AHCYL2: variants seen among roughly 807,000 people sequenced by gnomAD.
AHCYL2 encodes S-adenosylhomocysteine hydrolase-like protein 2.
In AHCYL2, 28 loss-of-function variants were observed where a neutral mutation model predicts 81.4. That is an observed-to-expected ratio of 0.34 (90% CI 0.25 to 0.47). The LOEUF is 0.47. Among genes scored for constraint, AHCYL2 ranks in the 20% least tolerant of loss-of-function variants. The pLI is 1.00. For missense variants in AHCYL2, 551 were observed against 785.1 expected, an observed-to-expected ratio of 0.70 and a Z score of 3.56; for synonymous variants, 272 against 290.2, an observed-to-expected ratio of 0.94 and a Z score of 0.64.
chr7:129,261,502 T>A (rs1457383991), intron 1 of AHCYL2, among the ~76,000 whole-genome samples: 1 of 152,224 alleles, frequency 6.6e-6, no homozygotes, highest in African/African-American at 2.4e-5. Flanking sequence ...GTATTGGACC[T>A]ACTTTATGTT....
At chr7:129,330,620 A>G (rs1278036294) in intron 1 of AHCYL2, among the ~76,000 whole-genome samples, 4 of 151,828 alleles carry the variant, frequency 2.6e-5, no homozygotes, top group South Asian at 2.1e-4. Flanking sequence ...ACAGGCGCCC[A>G]CCACCACGCC....
intron 1 of AHCYL2, among the ~76,000 whole-genome samples, chr7:129,334,302 T>A (rs1003221362): frequency 2.3e-4 from 35 of 152,238 alleles, no homozygotes; most frequent in African/African-American, 8.4e-4. Context: ...GCTACCTTCA[T>A]GCAGTCCTCT....
chr7:129,423,049 TTTG>T lies in AHCYL2; in HGVS notation c.1560+112_1560+114del, dbSNP rs1797189678. On this transcript the variant is annotated intron_variant, in intron 13 of 16. Coordinates refer to ENST00000325006, the MANE Select transcript of AHCYL2 (RefSeq NM_015328.4). ...TTTCAACTCCTCTGTTAAGCACAAG[TTTG>T]ACTACTTTCCCAATGGATTTTACTT... is the stretch of plus-strand genomic sequence containing the variant. The T allele has an allele frequency of 6.6e-6, 5 of 754,518 alleles. No homozygotes were observed. The East Asian group carries it at 1.4e-4, about 22-fold the overall frequency. The allele number at this position is 754,518 out of a possible 1,614,324, so 46.7% of individuals were successfully genotyped here.
chr7:129,229,924 C>G (rs139958077), intron 1 of AHCYL2, among the ~76,000 whole-genome samples: 16 of 152,206 alleles, frequency 1.1e-4, no homozygotes, highest in African/African-American at 3.6e-4. Context: ...ACCCTTTCTT[C>G]CTGTTCAGCT....
intron 1 of AHCYL2, among the ~76,000 whole-genome samples, chr7:129,266,976 C>T (rs556917181): frequency 3.5e-4 from 53 of 149,560 alleles, no homozygotes; most frequent in African/African-American, 1.1e-3. Context: ...GCCCACTAAA[C>T]GCAAAATATT....
chr7:129,420,895 A>C (rs903760817), intron 12 of AHCYL2, among the ~76,000 whole-genome samples: 1 of 152,172 alleles, frequency 6.6e-6, no homozygotes, highest in African/African-American at 2.4e-5. Context: ...AAACACTACA[A>C]ATATGCTTAA....
chr7:129,238,717 C>T (rs777683074), intron 1 of AHCYL2, among the ~76,000 whole-genome samples: 5 of 152,050 alleles, frequency 3.3e-5, no homozygotes, highest in Admixed American at 1.3e-4. Flanking sequence ...TTTGGGAGGC[C>T]GAAGCAGCAG....
In AHCYL2 at chr7:129,425,042, T is replaced by A. The variant is rs562432913; in HGVS notation, c.1630-21T>A. 1.4e-5 allele frequency: 22 copies of A among 1,613,660 alleles called. No individual in the cohort carries two copies. In the South Asian group the frequency reaches 2.4e-4, roughly 18 times the overall value. ...GATTGCCATGAATGGCACATCAGCA[T>A]CCATCTCTCTGCTTTTCTAGGCTCT... is the stretch of plus-strand genomic sequence containing the variant. On this transcript the variant is annotated intron_variant, in intron 14 of 16. Coordinates refer to ENST00000325006, the MANE Select transcript of AHCYL2 (RefSeq NM_015328.4).
At chr7:129,379,489 T>G in intron 1 of AHCYL2, 149 bp from the exon 2 acceptor site, 1 of 607,214 alleles carries the variant, frequency 1.6e-6, no homozygotes, top group South Asian at 2.1e-5. Flanking sequence ...AAAAGTATTC[T>G]TATCTTCAAA....
chr7:129,409,139 C>T (rs905990389), intron 10 of AHCYL2, among the ~76,000 whole-genome samples: 2 of 151,636 alleles, frequency 1.3e-5, no homozygotes, highest in African/African-American at 4.8e-5. Flanking sequence ...TGGGTTTGGC[C>T]TTCGGGGGAT....
chr7:129,369,550 GTT>G (rs35051098), intron 1 of AHCYL2, among the ~76,000 whole-genome samples: 215 of 132,484 alleles, frequency 1.6e-3, no homozygotes, highest in African/African-American at 5.8e-3. Context: ...TTGTGTTCAG[GTT>G]TTTTTTTTTT....
At chr7:129,413,780 A>G in intron 12 of AHCYL2, 92 bp downstream of exon 12, 1 of 1,012,578 alleles carries the variant, frequency 9.9e-7, no homozygotes, top group African/African-American at 1.6e-5. Flanking sequence ...AAGCCATCCT[A>G]AACATGACTA....
At chr7:129,410,037 A>G (rs990376874) in intron 11 of AHCYL2, 21 of 944,930 alleles carry the variant, frequency 2.2e-5, no homozygotes, top group Middle Eastern at 3.4e-4. Context: ...CAAGCACTCA[A>G]TTCTCTAAAT....
chr7:129,391,049 T>G (rs1212422655), intron 4 of AHCYL2, among the ~76,000 whole-genome samples: 1 of 152,220 alleles, frequency 6.6e-6, no homozygotes, highest in Non-Finnish European at 1.5e-5. Context: ...TAAAATAATG[T>G]GTATTTCAAT....
intron 1 of AHCYL2, among the ~76,000 whole-genome samples, chr7:129,231,164 C>T (rs917135762): frequency 2.0e-5 from 3 of 151,632 alleles, no homozygotes; most frequent in African/African-American, 4.9e-5. Context: ...TGCTTGAATG[C>T]GGGAAGTGGA....
chr7:129,242,605 T>C (rs1236287223), intron 1 of AHCYL2, among the ~76,000 whole-genome samples: 1 of 151,920 alleles, frequency 6.6e-6, no homozygotes, highest in Non-Finnish European at 1.5e-5. Context: ...TAATCCTAGC[T>C]ACTCCGGAGG....
intron 3 of AHCYL2, among the ~76,000 whole-genome samples, 185 bp downstream of exon 3, chr7:129,389,384 TA>T (rs11389356): frequency 0.085 from 10,589 of 124,856 alleles, 432 homozygotes; most frequent in African/African-American, 0.12. Context: ...AACCCTGTAT[TA>T]AAAAAAAAAA....
At chr7:129,352,252 G>A (rs545339758) in intron 1 of AHCYL2, among the ~76,000 whole-genome samples, 1 of 152,148 alleles carries the variant, frequency 6.6e-6, no homozygotes, top group African/African-American at 2.4e-5. Flanking sequence ...GAAAATGAAC[G>A]AAGTGAGCCT....
intron 1 of AHCYL2, among the ~76,000 whole-genome samples, chr7:129,350,587 A>G (rs1441067015): frequency 1.3e-5 from 2 of 151,776 alleles, no homozygotes; most frequent in East Asian, 1.9e-4. Context: ...GGGTTTCACT[A>G]TGTTGGCCAG....
Sources: gnomAD v4.1 joint callset for allele counts (sites outside exome capture counted in the v4.1 genomes callset) on GRCh38, gnomAD v4.1.1 for gene constraint, MANE v1.5 for transcripts, NCBI Gene and HGNC (gene_info 2026-07-23, HGNC 2026-07-21) for gene names.